The following ACAT1 variants were observed in gnomAD, a reference collection of about 807,000 sequenced individuals.
ACAT1 encodes acetyl-CoA acetyltransferase, mitochondrial.
A neutral mutation model predicts 47.3 loss-of-function variants in ACAT1; 28 were observed. The ratio of observed to expected loss-of-function variants is 0.59; its 90% CI spans 0.44 to 0.81. The LOEUF is 0.81. Ranked by LOEUF, ACAT1 falls within the 30% of genes least tolerant of loss-of-function variation. The pLI, the probability that ACAT1 is intolerant of heterozygous loss-of-function variation, is 0.00. For synonymous variants in ACAT1, 181 were observed against 173.6 expected, an observed-to-expected ratio of 1.04 and a Z score of -0.34; for missense variants, 469 against 524.3, an observed-to-expected ratio of 0.89 and a Z score of 1.03.
chr11:108,129,376 CTTTT>C lies in ACAT1; in HGVS notation c.73-2524_73-2521del, dbSNP rs539531588. ...TGCAAGTGTCTTTTTCGTGTAACGA[CTTTT>C]TTTTTTGAGATGGAGTCTTGCTCTG... On this transcript the variant is annotated intron_variant, in intron 1 of 11. Coordinates refer to ENST00000265838, the MANE Select transcript of ACAT1 (RefSeq NM_000019.4). Among the ~76,000 whole-genome samples the C allele has an allele frequency of 3.3e-5, 5 of 149,716 alleles. No individual in the cohort carries two copies. In the South Asian group the frequency reaches 6.3e-4, roughly 19 times the overall value.
intron 5 of ACAT1, chr11:108,136,435 C>A: frequency 4.5e-6 from 1 of 222,818 alleles, no homozygotes; most frequent in Non-Finnish European, 8.7e-6. Flanking sequence ...GGATCTGCAC[C>A]ACCACTGGGT....
chr11:108,145,902 CTGGGCATGGTGG>C (rs2077697976), intron 10 of ACAT1, among the ~76,000 whole-genome samples: 2 of 152,160 alleles, frequency 1.3e-5, no homozygotes, highest in South Asian at 4.2e-4. Flanking sequence ...AAAAAATTAG[CTGGGCATGGTGG>C]TGGGCATCTG....
At chr11:108,126,467 A>C (rs1334503104) in intron 1 of ACAT1, among the ~76,000 whole-genome samples, 1 of 152,224 alleles carries the variant, frequency 6.6e-6, no homozygotes, top group Non-Finnish European at 1.5e-5. Context: ...GAGGTAAAGA[A>C]TTTGTATATA....
At chr11:108,132,905 C>T (rs1373960896) in intron 2 of ACAT1, among the ~76,000 whole-genome samples, 1 of 143,996 alleles carries the variant, frequency 6.9e-6, no homozygotes, top group African/African-American at 2.5e-5. Flanking sequence ...ATGGCTCTGG[C>T]TGGGCACAGT....
chr11:108,136,069 G>C, intron 5 of ACAT1: 1 of 684,546 alleles, frequency 1.5e-6, no homozygotes, highest in South Asian at 1.6e-5. Context: ...CTTTACTTGA[G>C]ATCAAGCAAG....
chr11:108,138,447 A>T (rs9734846), intron 5 of ACAT1, among the ~76,000 whole-genome samples: 55,665 of 150,496 alleles, frequency 0.37, 10,721 homozygotes, highest in Non-Finnish European at 0.41. Context: ...CCCAGGCTGG[A>T]GTGCAGTGGC....
intron 4 of ACAT1, 175 bp downstream of exon 4, chr11:108,134,491 A>G: frequency 4.2e-6 from 2 of 472,666 alleles, no homozygotes; most frequent in Non-Finnish European, 7.9e-6. Context: ...AAAAATACAA[A>G]AATTAGCCAG....
chr11:108,136,119 G>A (rs1378787051), intron 5 of ACAT1: 1 of 694,434 alleles, frequency 1.4e-6, no homozygotes, highest in Non-Finnish European at 2.6e-6. Context: ...CATGTCAGGA[G>A]GTGAGACCTG....
chr11:108,124,455 C>T (rs2077212076), intron 1 of ACAT1, among the ~76,000 whole-genome samples: 1 of 151,918 alleles, frequency 6.6e-6, no homozygotes, highest in African/African-American at 2.4e-5. Context: ...TAGGGACGGG[C>T]TTTCACCATG....
chr11:108,121,692 G>C lies in ACAT1; in HGVS notation c.72+14G>C. The C allele has an allele frequency of 6.5e-7, 1 of 1,547,212 alleles. No individual in the cohort carries two copies. The highest frequency in any genetic ancestry group is 8.7e-7 in the Non-Finnish European group (1 of 1,146,484). On this transcript the variant is annotated intron_variant, in intron 1 of 11. Coordinates refer to ENST00000265838, the MANE Select transcript of ACAT1 (RefSeq NM_000019.4). The stretch of plus-strand genomic sequence containing the variant: ...AGGCTGGTGCAGGTGAGCGGGGTTC[G>C]TCCCCACAGCACTCAGACCCGGGAT...
At chr11:108,136,198 T>A (rs2135345381) in intron 5 of ACAT1, 1 of 548,220 alleles carries the variant, frequency 1.8e-6, no homozygotes. Flanking sequence ...TTTTTTTCAG[T>A]GTGTCTGAGA....
intron 1 of ACAT1, among the ~76,000 whole-genome samples, chr11:108,127,266 C>CTTTT (rs566446640): frequency 7.6e-6 from 1 of 131,638 alleles, no homozygotes; most frequent in African/African-American, 2.8e-5. Flanking sequence ...ACATAGAAGC[C>CTTTT]TTTTTTTTTT....
In ACAT1 at chr11:108,139,118, A is replaced by G. The variant is rs376000348; in HGVS notation, c.579+77A>G. Reference sequence around the variant, plus strand: ...ATTTTTCTTACTCTATGTACTTTACAAACTGAACTGAAAGATGGGCTCTAT... The same window carrying G: ...ATTTTTCTTACTCTATGTACTTTACGAACTGAACTGAAAGATGGGCTCTAT... On this transcript the variant is annotated intron_variant, in intron 6 of 11. Coordinates refer to ENST00000265838, the MANE Select transcript of ACAT1 (RefSeq NM_000019.4). 7.1e-4 allele frequency: 1,109 copies of G among 1,563,590 alleles called. 16 individuals are homozygous for G. The South Asian group carries it at 8.3e-3, about 12-fold the overall frequency.
upstream of ACAT1, chr11:108,121,554 G>C (rs1158260465): frequency 3.3e-6 from 5 of 1,532,536 alleles, no homozygotes; most frequent in African/African-American, 5.5e-5. Flanking sequence ...GCGGGGTTGG[G>C]GAGGAGGCCG....
chr11:108,125,655 T>C (rs955374485), intron 1 of ACAT1, among the ~76,000 whole-genome samples: 4 of 152,100 alleles, frequency 2.6e-5, no homozygotes, highest in Non-Finnish European at 4.4e-5. Flanking sequence ...AGGCTGGGTG[T>C]GGTGGCTCAC....
At chr11:108,142,297 C>T in intron 8 of ACAT1, 140 bp from the exon 9 acceptor site, 1 of 718,252 alleles carries the variant, frequency 1.4e-6, no homozygotes, top group Non-Finnish European at 2.5e-6. Context: ...TACATGTTTC[C>T]TGAGGGCAGG....
At chr11:108,128,070 C>T (rs2077285960) in intron 1 of ACAT1, 1 of 152,116 alleles carries the variant, frequency 6.6e-6, no homozygotes, top group African/African-American at 2.4e-5. Flanking sequence ...GCATATTTCT[C>T]AAAGAAAGGT....
At chr11:108,146,994 C>T (rs531200473) in intron 11 of ACAT1, among the ~76,000 whole-genome samples, 4 of 152,278 alleles carry the variant, frequency 2.6e-5, no homozygotes, top group East Asian at 3.9e-4. Context: ...GCAGGAGAAT[C>T]GCTTGAACCC....
intron 1 of ACAT1, among the ~76,000 whole-genome samples, chr11:108,131,382 T>G (rs953615952): frequency 3.4e-4 from 36 of 107,136 alleles, no homozygotes; most frequent in African/African-American, 1.2e-3. Context: ...TAGACAGTCT[T>G]GCTTTGTTGC....
Sources: allele counts gnomAD v4.1 joint callset (sites outside exome capture counted in the v4.1 genomes callset), GRCh38; gene constraint gnomAD v4.1.1; transcripts MANE v1.5; gene names NCBI Gene and HGNC (gene_info 2026-07-23, HGNC 2026-07-21).